Variants in UBE3B observed in about 807,000 individuals in gnomAD.
The protein encoded by UBE3B is ubiquitin-protein ligase E3B.
Under a neutral mutation model 132.3 loss-of-function variants are expected in UBE3B, and 80 were observed. The ratio of observed to expected loss-of-function variants is 0.60; its 90% CI spans 0.50 to 0.73. The LOEUF (loss-of-function observed/expected upper bound fraction) is 0.73, where lower values mean the gene tolerates loss of function less well. Among genes scored for constraint, UBE3B ranks in the 30% least tolerant of loss-of-function variants. The pLI, the probability that UBE3B is intolerant of heterozygous loss-of-function variation, is 0.00. For missense variants in UBE3B, 1,196 were observed against 1,362.5 expected, an observed-to-expected ratio of 0.88 and a Z score of 1.92; for synonymous variants, 487 against 520.4, an observed-to-expected ratio of 0.94 and a Z score of 0.87.
At position 109,501,432 on chromosome 12, in the gene UBE3B, A is replaced by G. The variant is rs1005656508; in HGVS notation, c.1180A>G (p.Ile394Val). ...QLQFLWGVPLIRIFFCDILSK... is the reference protein window; with the variant it reads ...QLQFLWGVPLVRIFFCDILSK... ...GCAGTTCTTGTGGGGGGTGCCTCTG[A>G]TCCGGATCTTCTTCTGTGACATCCT... is the stretch of plus-strand genomic sequence containing the variant. Residue 394 changes from isoleucine to valine, a missense_variant, in exon 13 of 28, where the codon ATC becomes GTC. Physicochemically the swap from Ile to Val is conservative, Grantham distance 29 (BLOSUM62 3). Coordinates refer to ENST00000342494, the MANE Select transcript of UBE3B (RefSeq NM_130466.4). 6.2e-7 allele frequency: 1 copy of G among 1,613,968 alleles called. No individual in the cohort carries two copies. The highest frequency in any genetic ancestry group is 1.3e-5 in the African/African-American group (1 of 74,890).
intron 19 of UBE3B, chr12:109,517,934 C>CT (rs1019102084): frequency 2.2e-6 from 1 of 446,152 alleles, no homozygotes; most frequent in African/African-American, 2.0e-5. Context: ...TTGAGTGCCC[C>CT]TGGCCACTGG....
intron 19 of UBE3B, chr12:109,517,999 C>T (rs1881272286): frequency 9.5e-6 from 4 of 419,364 alleles, no homozygotes; most frequent in South Asian, 6.8e-5. Flanking sequence ...GTGGATGTTT[C>T]TGACATTCTT....
chr12:109,486,315 T>C (rs1158098100), intron 5 of UBE3B, among the ~76,000 whole-genome samples, 156 bp from the exon 6 acceptor site: 1 of 152,144 alleles, frequency 6.6e-6, no homozygotes, highest in African/African-American at 2.4e-5. Context: ...TTGCGTTTAG[T>C]GTTAAAATAA....
intron 6 of UBE3B, among the ~76,000 whole-genome samples, 187 bp downstream of exon 6, chr12:109,486,762 C>T (rs944057204): frequency 6.6e-6 from 1 of 151,998 alleles, no homozygotes; most frequent in Non-Finnish European, 1.5e-5. Flanking sequence ...GTGTGTTGGA[C>T]CCTTAAACTG....
chr12:109,488,862 G>T (rs985110967), intron 7 of UBE3B, among the ~76,000 whole-genome samples, 194 bp downstream of exon 7: 1 of 152,188 alleles, frequency 6.6e-6, no homozygotes, highest in African/African-American at 2.4e-5. Flanking sequence ...ATTGTGTGTT[G>T]TACTCAACCC....
chr12:109,512,311 C>T (rs1226069289), intron 18 of UBE3B, among the ~76,000 whole-genome samples: 1 of 152,090 alleles, frequency 6.6e-6, no homozygotes, highest in Non-Finnish European at 1.5e-5. Flanking sequence ...GAGGCAGAGC[C>T]CTGCAGGACC....
At chr12:109,517,984 G>T (rs1881269442) in intron 19 of UBE3B, 1 of 436,184 alleles carries the variant, frequency 2.3e-6, no homozygotes, top group African/African-American at 2.0e-5. Context: ...AGTGTGTGCT[G>T]AACAGTGGAT....
At chr12:109,483,488 C>T (rs1216648838) in intron 2 of UBE3B, 43 bp from the exon 3 acceptor site, 32 of 1,501,792 alleles carry the variant, frequency 2.1e-5, no homozygotes, top group Non-Finnish European at 2.7e-5. Context: ...GTGTGTTTTT[C>T]ACACAACAAT....
chr12:109,531,491 G>A (rs941973122), intron 26 of UBE3B, among the ~76,000 whole-genome samples: 2 of 152,170 alleles, frequency 1.3e-5, no homozygotes, highest in African/African-American at 4.8e-5. Context: ...GGTAAATTTA[G>A]TGCCTTGAAA....
At chr12:109,498,406 G>C in intron 11 of UBE3B, 53 bp downstream of exon 11, 2 of 1,583,448 alleles carry the variant, frequency 1.3e-6, no homozygotes, top group Middle Eastern at 1.7e-4. Flanking sequence ...GGGAAAGCCC[G>C]AGTGTTTTGC....
At chr12:109,490,922 A>C in intron 8 of UBE3B, 123 bp from the exon 9 acceptor site, 1 of 1,179,292 alleles carries the variant, frequency 8.5e-7, no homozygotes, top group Non-Finnish European at 1.2e-6. Flanking sequence ...GGTACAAGCC[A>C]CCATGCCTGG....
intron 21 of UBE3B, among the ~76,000 whole-genome samples, chr12:109,523,679 G>GCC (rs149493092): frequency 6.6e-6 from 1 of 152,158 alleles, no homozygotes; most frequent in Non-Finnish European, 1.5e-5. Flanking sequence ...GGCTGGTGCT[G>GCC]CCCCCCACTG....
Position 109,530,287 on chromosome 12 carries a change from T to C in UBE3B, c.2810+215T>C, listed in dbSNP as rs150583447. On this transcript the variant is annotated intron_variant, in intron 25 of 27. Transcript: ENST00000342494. ...GCAGGCCTGAGGACTGGGGGTTCTC[T>C]GAAGCTCTAGGAGATGGGGTCAGAG... Among the ~76,000 whole-genome samples, 390 of 152,354 alleles carry C rather than the reference T, an allele frequency of 2.6e-3. 3 individuals carry two copies. The highest frequency in any genetic ancestry group is 9.0e-3 in the African/African-American group (376 of 41,580).
At chr12:109,533,820 G>T (rs542785310) in intron 27 of UBE3B, 4 of 953,276 alleles carry the variant, frequency 4.2e-6, no homozygotes, top group African/African-American at 3.3e-5. Flanking sequence ...GTGGGGGTGG[G>T]TACGTGCTGT....
intron 18 of UBE3B, among the ~76,000 whole-genome samples, chr12:109,511,934 G>C (rs1880421473): frequency 6.6e-6 from 1 of 152,160 alleles, no homozygotes; most frequent in African/African-American, 2.4e-5. Context: ...AGATTTTTAA[G>C]GAGGCCTCAG....
At position 109,488,455 on chromosome 12, in the gene UBE3B, A is replaced by T. The variant is rs115360386; in HGVS notation, c.448-117A>T. 1,489 of 920,464 alleles carry T rather than the reference A, an allele frequency of 1.6e-3. 21 individuals are homozygous for T. The African/African-American group carries it at 0.022, about 13-fold the overall frequency. 57.0% of individuals were successfully genotyped at this position (920,464 alleles called of 1,614,324 possible). Reference sequence around the variant, plus strand: ...AGAGAAAAAGAATTAAGACTGACTTATAATCCTGACTCAGTGATTCCAGGC... The same window carrying T: ...AGAGAAAAAGAATTAAGACTGACTTTTAATCCTGACTCAGTGATTCCAGGC... On this transcript the variant is annotated intron_variant, in intron 6 of 27. Transcript: ENST00000342494.
In UBE3B at chr12:109,497,200, T is replaced by TA. The variant is rs1878312109; in HGVS notation, c.714-617dup. On this transcript the variant is annotated intron_variant, in intron 9 of 27. Transcript: ENST00000342494. ...AAAAGAAAAAAATTTCTCATAATTC[T>TA]ACAACCAGAGATACATTGTTAACTT... 1.3e-5 allele frequency among the ~76,000 whole-genome samples: 2 copies of TA among 152,160 alleles called. 1 individual carries two copies. Among genetic ancestry groups the TA allele is most frequent in the East Asian group, 3.8e-4 (2 of 5,196 alleles).
chr12:109,510,215 C>T (rs1880187673), intron 16 of UBE3B, 129 bp from the exon 17 acceptor site: 8 of 741,562 alleles, frequency 1.1e-5, no homozygotes, highest in Admixed American at 8.1e-5. Context: ...TTAATTCTGT[C>T]GGTTCCACAT....
chr12:109,516,452 C>T (rs1191753762), intron 18 of UBE3B, among the ~76,000 whole-genome samples: 2 of 152,178 alleles, frequency 1.3e-5, no homozygotes, highest in South Asian at 2.1e-4. Flanking sequence ...GCTGGGATTA[C>T]AGGCGTGAGC....
Sources: gnomAD v4.1 joint callset for allele counts (sites outside exome capture counted in the v4.1 genomes callset) on GRCh38, gnomAD v4.1.1 for gene constraint, MANE v1.5 for transcripts, NCBI Gene and HGNC (gene_info 2026-07-23, HGNC 2026-07-21) for gene names.